Variants in DLGAP4 observed in about 807,000 individuals in gnomAD.
DLGAP4 encodes DLG associated protein 4, also known as disks large-associated protein 4.
A neutral mutation model predicts 86.9 loss-of-function variants in DLGAP4; 18 were observed. The ratio of observed to expected loss-of-function variants is 0.21; its 90% CI spans 0.14 to 0.31. The LOEUF is 0.31. Among genes scored for constraint, DLGAP4 ranks in the 10% least tolerant of loss-of-function variants. DLGAP4 has a pLI of 1.00. For missense variants in DLGAP4, 1,085 were observed against 1,362.6 expected, an observed-to-expected ratio of 0.80 and a Z score of 3.21; for synonymous variants, 548 against 574.3, an observed-to-expected ratio of 0.95 and a Z score of 0.65.
At chr20:36,420,895 C>T (rs2032805680) in intron 2 of DLGAP4, among the ~76,000 whole-genome samples, 3 of 150,914 alleles carry the variant, frequency 2.0e-5, no homozygotes, top group Admixed American at 1.3e-4. Flanking sequence ...ATCGCTTGAA[C>T]CTGGGAGGCG....
intron 7 of DLGAP4, among the ~76,000 whole-genome samples, chr20:36,478,853 G>T (rs1194134956): frequency 1.3e-5 from 2 of 152,202 alleles, no homozygotes; most frequent in Non-Finnish European, 2.9e-5. Context: ...TAGCACAGGG[G>T]TGATGATGAA....
At chr20:36,439,976 C>T in intron 5 of DLGAP4, 108 bp downstream of exon 5, 1 of 905,670 alleles carries the variant, frequency 1.1e-6, no homozygotes, top group Non-Finnish European at 1.7e-6. Context: ...CCCCAGATGT[C>T]TGCACTGTGC....
At chr20:36,307,273 G>A (rs782605391) in intron 1 of DLGAP4, among the ~76,000 whole-genome samples, 2 of 152,232 alleles carry the variant, frequency 1.3e-5, no homozygotes, top group Admixed American at 6.5e-5. Context: ...AGCTGGTGGC[G>A]GATGGACCAG....
At chr20:36,495,867 GTGTTTGTT>G (rs751146631) in intron 7 of DLGAP4, among the ~76,000 whole-genome samples, 2 of 152,022 alleles carry the variant, frequency 1.3e-5, no homozygotes, top group Non-Finnish European at 2.9e-5. Flanking sequence ...GTTTGTTCAT[GTGTTTGTT>G]TGTTTGTTTG....
intron 2 of DLGAP4, among the ~76,000 whole-genome samples, chr20:36,387,196 C>T (rs1190469691): frequency 6.6e-6 from 1 of 152,188 alleles, no homozygotes; most frequent in Non-Finnish European, 1.5e-5. Flanking sequence ...GTTGATTCAT[C>T]GCTCTTTAAT....
intron 2 of DLGAP4, among the ~76,000 whole-genome samples, chr20:36,414,805 C>G (rs1343018699): frequency 2.0e-5 from 3 of 152,214 alleles, no homozygotes; most frequent in Non-Finnish European, 4.4e-5. Flanking sequence ...CCACTGGGCA[C>G]TTGAAATATG....
chr20:36,423,918 C>A (rs2032901524), intron 2 of DLGAP4, among the ~76,000 whole-genome samples: 1 of 152,034 alleles, frequency 6.6e-6, no homozygotes, highest in Admixed American at 6.6e-5. Context: ...CGAGATCATG[C>A]CGCTGCACTC....
intron 1 of DLGAP4, among the ~76,000 whole-genome samples, chr20:36,313,618 C>T (rs999136131): frequency 1.3e-5 from 2 of 152,042 alleles, no homozygotes; most frequent in African/African-American, 2.4e-5. Flanking sequence ...GGGGCAGGGC[C>T]GTGGTCCAGA....
chr20:36,333,080 C>T (rs1165598110), intron 1 of DLGAP4, among the ~76,000 whole-genome samples: 9 of 152,032 alleles, frequency 5.9e-5, no homozygotes, highest in African/African-American at 1.9e-4. Flanking sequence ...ATGCTACCTC[C>T]GGCTCTTAAC....
chr20:36,334,329 G>T (rs527663825), intron 1 of DLGAP4, among the ~76,000 whole-genome samples: 2 of 152,138 alleles, frequency 1.3e-5, no homozygotes, highest in Non-Finnish European at 2.9e-5. Flanking sequence ...TGGTCAGGGA[G>T]GTGTCTGACC....
At chr20:36,444,434 C>A (rs2033536922) in intron 6 of DLGAP4, among the ~76,000 whole-genome samples, 1 of 152,006 alleles carries the variant, frequency 6.6e-6, no homozygotes, top group African/African-American at 2.4e-5. Flanking sequence ...CAGGCACGCA[C>A]CACCATGCCT....
chr20:36,349,336 T>C (rs1403758622), intron 1 of DLGAP4, among the ~76,000 whole-genome samples: 1 of 149,376 alleles, frequency 6.7e-6, no homozygotes, highest in Non-Finnish European at 1.5e-5. Flanking sequence ...GAGAATGGCA[T>C]GAACCCGGGA....
intron 1 of DLGAP4, among the ~76,000 whole-genome samples, chr20:36,349,311 G>A (rs1481819115): frequency 6.6e-6 from 1 of 151,370 alleles, no homozygotes; most frequent in Non-Finnish European, 1.5e-5. Flanking sequence ...CCAGCTACTC[G>A]GGAGGCTGAG....
intron 7 of DLGAP4, among the ~76,000 whole-genome samples, chr20:36,472,866 C>A (rs2034732433): frequency 6.6e-6 from 1 of 152,176 alleles, no homozygotes; most frequent in African/African-American, 2.4e-5. Context: ...CTACCCACTC[C>A]CACCCTTGCT....
In DLGAP4 at chr20:36,397,078, A is replaced by C. The variant is rs968439122; in HGVS notation, c.-73+29803A>C. On this transcript the variant is annotated intron_variant, in intron 2 of 12. Coordinates refer to ENST00000339266, the MANE Select transcript of DLGAP4 (RefSeq NM_001365621.2). ...TAAGTGGTATGGAGCTGGTAACAAA[A>C]ACATCAGTGGGGAAGAAGGTCCCTA... 2.0e-5 allele frequency among the ~76,000 whole-genome samples: 3 copies of C among 152,172 alleles called. No individual in the cohort carries two copies. The East Asian group carries it at 5.8e-4, about 29-fold the overall frequency.
At chr20:36,521,734 T>C (rs1249154791) in intron 10 of DLGAP4, among the ~76,000 whole-genome samples, 1 of 152,186 alleles carries the variant, frequency 6.6e-6, no homozygotes, top group Admixed American at 6.5e-5. Flanking sequence ...CCAGAGCCCC[T>C]GTTTTATCTC....
rs1407051942 is a variant in DLGAP4, at chr20:36,528,175, C to CG, written c.*1144_*1145insG. The stretch of plus-strand genomic sequence containing the variant: ...TCTCCACCCCCCTCCCCCCGCCCCG[C>CG]ACTCCTAAGGGCCCATCTGCCCAGC... On this transcript the variant is annotated 3_prime_UTR_variant, in exon 13 of 13. Coordinates refer to ENST00000339266, the MANE Select transcript of DLGAP4 (RefSeq NM_001365621.2). The CG allele has an allele frequency of 7.3e-4, 106 of 144,884 alleles. 3 individuals carry two copies. Among genetic ancestry groups the CG allele is most frequent in the African/African-American group, 2.7e-3 (98 of 36,008 alleles). 9.0% of individuals were successfully genotyped at this position (144,884 alleles called of 1,614,324 possible).
chr20:36,439,738 C>G lies in DLGAP4; in HGVS notation c.1242-16C>G. 1.2e-6 allele frequency: 2 copies of G among 1,607,520 alleles called. No homozygotes were observed. The highest frequency in any genetic ancestry group is 1.3e-5 in the African/African-American group (1 of 74,862). On this transcript the variant is annotated splice_polypyrimidine_tract_variant and intron_variant, in intron 4 of 12. Transcript: ENST00000339266. ...ATGGGTGGGCTGAGCCCTGTCTGCT[C>G]CCCACTCCCCACCAGGAGTCTGGAC...
rs1372234518 is a variant in DLGAP4 at position 36,308,416 on chromosome 20, C to A, written c.-304+1904C>A. Among the ~76,000 whole-genome samples, 1 of 152,140 alleles carries A rather than the reference C, an allele frequency of 6.6e-6. No individual in the cohort carries two copies. Among genetic ancestry groups the A allele is most frequent in the Non-Finnish European group, 1.5e-5 (1 of 67,996 alleles). ...AAGAGAAACTGTGAGCTGGACGGGA[C>A]CTGATGGCTGGGTTATGTGGAACCC... On this transcript the variant is annotated intron_variant, in intron 1 of 12. Transcript: ENST00000339266. The surrounding 1 kb of genome is among the most constrained non-coding windows in gnomAD (Gnocchi z 4.5).
Sources: gnomAD v4.1 joint callset for allele counts (sites outside exome capture counted in the v4.1 genomes callset) on GRCh38, gnomAD v4.1.1 for gene constraint, Gnocchi (gnomAD v3.1) non-coding constraint, MANE v1.5 for transcripts, NCBI Gene and HGNC (gene_info 2026-07-23, HGNC 2026-07-21) for gene names.